Variants in COL12A1 observed in about 807,000 individuals in gnomAD.
COL12A1 encodes the protein collagen alpha-1(XII) chain.
A neutral mutation model predicts 349.7 loss-of-function variants in COL12A1; 114 were observed. The observed-to-expected ratio is 0.33, with a 90% CI of 0.28 to 0.38. The LOEUF is 0.38. COL12A1 is among the 10% of genes least tolerant of loss of function. The pLI, the probability that COL12A1 is intolerant of heterozygous loss-of-function variation, is 1.00. For synonymous variants in COL12A1, 1,369 were observed against 1,329.0 expected (o/e 1.03, Z -0.66); for missense variants, 3,284 against 3,756.9 (o/e 0.87, Z 3.29).
chr6:75,086,553 G>A lies in COL12A1; in HGVS notation c.9186C>T (p.Ser3062=), dbSNP rs375094592. The change falls in exon 66 of 66, where the codon TCC becomes TCT. Residue 3062 remains serine (S), a synonymous_variant. Transcript: ENST00000322507. The part of the protein sequence containing the change: ...IPYNGQGYPG[S]G The stretch of plus-strand genomic sequence containing the variant: ...TGGCGACTTAGAAAATGTGTTAGCC[G>A]GAACCTGAAACAGGTCAAAGATGAT... 64 of 1,602,066 alleles carry A rather than the reference G, an allele frequency of 4.0e-5. No individual in the cohort carries two copies. The highest frequency in any genetic ancestry group is 5.4e-5 in the African/African-American group (4 of 74,306).
At chr6:75,168,235 A>AT (rs962435256) in intron 13 of COL12A1, among the ~76,000 whole-genome samples, 2 of 152,092 alleles carry the variant, frequency 1.3e-5, no homozygotes, top group Middle Eastern at 3.2e-3. Flanking sequence ...CACATTGATA[A>AT]TTTTTTTTAG....
In COL12A1 at chr6:75,085,488, A is replaced by G. The variant is rs1767446440; in HGVS notation, c.*1059T>C. 5.9e-6 allele frequency: 2 copies of G among 339,392 alleles called. No homozygotes were observed. The highest frequency in any genetic ancestry group is 2.1e-5 in the African/African-American group (1 of 46,722). 21.0% of individuals were successfully genotyped at this position (339,392 alleles called of 1,614,324 possible). ...GTCTTAATCTCATAACTATAAATAG[A>G]TAAGTTACAATGTCCCAATTATTTC... is the stretch of plus-strand genomic sequence containing the variant. On this transcript the variant is annotated 3_prime_UTR_variant, in exon 66 of 66. Transcript: ENST00000322507.
At chr6:75,146,703 C>T (rs1462128977) in intron 23 of COL12A1, among the ~76,000 whole-genome samples, 1 of 152,102 alleles carries the variant, frequency 6.6e-6, no homozygotes, top group Admixed American at 6.6e-5. Flanking sequence ...GATTTATAGG[C>T]TTCTTGAAGA....
intron 11 of COL12A1, among the ~76,000 whole-genome samples, chr6:75,178,462 G>T (rs1468125167): frequency 1.3e-5 from 2 of 152,164 alleles, no homozygotes; most frequent in African/African-American, 4.8e-5. Context: ...CCATACACAG[G>T]ATGGAACAAG....
chr6:75,195,201 G>A (rs886279352), intron 2 of COL12A1, among the ~76,000 whole-genome samples: 8 of 152,136 alleles, frequency 5.3e-5, no homozygotes, highest in Admixed American at 3.9e-4. Context: ...AGAATGGCCA[G>A]CAAAATCAAG....
chr6:75,191,972 T>A (rs1240864866), intron 4 of COL12A1, among the ~76,000 whole-genome samples: 1 of 152,040 alleles, frequency 6.6e-6, no homozygotes, highest in African/African-American at 2.4e-5. Flanking sequence ...ATTCACATTG[T>A]TGTCCAGCAA....
Position 75,103,824 on chromosome 6 carries a change from A to T in COL12A1, c.8266-14T>A. The stretch of plus-strand genomic sequence containing the variant: ...ACCAGGTCCTCCCTAAAATACATAG[A>T]GCACATAGTAGTGTGAACATAGGAA... On this transcript the variant is annotated splice_polypyrimidine_tract_variant and intron_variant, in intron 54 of 65. Transcript: ENST00000322507. The T allele has an allele frequency of 1.2e-6, 2 of 1,604,728 alleles. No individual in the cohort carries two copies. The highest frequency in any genetic ancestry group is 8.5e-7 in the Non-Finnish European group (1 of 1,174,740).
At chr6:75,155,264 G>A (rs916278266) in intron 16 of COL12A1, among the ~76,000 whole-genome samples, 3 of 152,074 alleles carry the variant, frequency 2.0e-5, no homozygotes, top group African/African-American at 7.2e-5. Context: ...TCACACTCAA[G>A]ATCTCAGCAT....
chr6:75,172,541 A>G (rs753913885), intron 13 of COL12A1, among the ~76,000 whole-genome samples: 1 of 152,220 alleles, frequency 6.6e-6, no homozygotes, highest in Non-Finnish European at 1.5e-5. Context: ...GTCCTCTAAA[A>G]AAATCTTATG....
At position 75,152,050 on chromosome 6, in the gene COL12A1, G is replaced by C. The variant is rs762897672; in HGVS notation, c.3836-19C>G. 1.5e-5 allele frequency: 24 copies of C among 1,613,658 alleles called. No individual in the cohort carries two copies. The highest frequency in any genetic ancestry group is 1.1e-4 in the South Asian group (10 of 91,078). On this transcript the variant is annotated intron_variant, in intron 19 of 65. Transcript: ENST00000322507. ...GCCATGCCTAGTGGGATTTTTAAAA[G>C]AGAATCAGTCACATCACCATTCAGC... is the stretch of plus-strand genomic sequence containing the variant.
At chr6:75,115,191 C>T (rs1192873673) in intron 49 of COL12A1, among the ~76,000 whole-genome samples, 1 of 151,996 alleles carries the variant, frequency 6.6e-6, no homozygotes, top group African/African-American at 2.4e-5. Context: ...CTTTTCTTTC[C>T]ATAAATTGGC....
intron 55 of COL12A1, 32 bp from the exon 56 acceptor site, chr6:75,102,724 G>T: frequency 7.1e-7 from 1 of 1,407,988 alleles, no homozygotes; most frequent in Non-Finnish European, 9.5e-7. Flanking sequence ...CAACCACAAA[G>T]TAATGTAATA....
Position 75,088,904 on chromosome 6 carries a change from G to C in COL12A1, c.9010+202C>G, listed in dbSNP as rs530393248. On this transcript the variant is annotated intron_variant, in intron 64 of 65. Transcript: ENST00000322507. The stretch of plus-strand genomic sequence containing the variant: ...TAGTCCCAGCTACTCGGGAGGCTGA[G>C]GCAGAAGAATGGCGTGAACCCAGGA... Among the ~76,000 whole-genome samples, 4 of 152,114 alleles carry C rather than the reference G, an allele frequency of 2.6e-5. No individual in the cohort carries two copies. The East Asian group carries it at 7.7e-4, about 29-fold the overall frequency.
chr6:75,166,785 A>G (rs1323637984), intron 13 of COL12A1, among the ~76,000 whole-genome samples: 1 of 152,226 alleles, frequency 6.6e-6, no homozygotes, highest in African/African-American at 2.4e-5. Context: ...GTTAAAATGA[A>G]TATCTTAAAC....
At chr6:75,176,953 G>A (rs1383412186) in intron 12 of COL12A1, among the ~76,000 whole-genome samples, 1 of 152,044 alleles carries the variant, frequency 6.6e-6, no homozygotes, top group Non-Finnish European at 1.5e-5. Context: ...TGTATACTGG[G>A]ATCCTAATCA....
At position 75,124,023 on chromosome 6, in the gene COL12A1, T is replaced by C; in HGVS notation, c.6796A>G (p.Thr2266Ala). ...SHCFTGLSPD[T>A]DYGVTVFVQT... ...ACAAAAACAGTGACACCATAATCAG[T>C]GTCTGGTGAAAGGCCAGTGAAGCAG... The change falls in exon 42 of 66, where the codon ACT becomes GCT. Residue 2266 changes from threonine (T) to alanine (A), a missense_variant. Thr to Ala is a moderately conservative substitution (Grantham distance 58). This residue lies in a region of COL12A1 where 2,601 missense variants were observed against 2,824.8 expected (regional missense o/e 0.92). Coordinates refer to ENST00000322507, the MANE Select transcript of COL12A1 (RefSeq NM_004370.6). 1 of 1,614,014 alleles carries C rather than the reference T, an allele frequency of 6.2e-7. No individual in the cohort carries two copies. Among genetic ancestry groups the C allele is most frequent in the Non-Finnish European group, 8.5e-7 (1 of 1,179,908 alleles).
intron 11 of COL12A1, among the ~76,000 whole-genome samples, chr6:75,178,666 C>T (rs985603312): frequency 1.3e-5 from 2 of 152,196 alleles, no homozygotes; most frequent in Non-Finnish European, 2.9e-5. Context: ...CCTATACAGA[C>T]AACATATTCA....
chr6:75,131,828 A>T, intron 35 of COL12A1, 112 bp downstream of exon 35: 2 of 1,126,620 alleles, frequency 1.8e-6, no homozygotes, highest in Non-Finnish European at 2.5e-6. Flanking sequence ...CAATAATTTA[A>T]GTATTATACA....
intron 12 of COL12A1, 130 bp from the exon 13 acceptor site, chr6:75,175,440 A>T: frequency 9.2e-7 from 1 of 1,089,480 alleles, no homozygotes; most frequent in South Asian, 1.7e-5. Flanking sequence ...TGACAATTTT[A>T]ACTGTTGACC....
Sources: allele counts gnomAD v4.1 joint callset (sites outside exome capture counted in the v4.1 genomes callset), GRCh38; gene constraint gnomAD v4.1.1; regional missense constraint gnomAD v4.1.1; transcripts MANE v1.5; gene names NCBI Gene and HGNC (gene_info 2026-07-23, HGNC 2026-07-21).